Variants in CCDC102B observed in about 807,000 individuals in gnomAD.
The protein encoded by CCDC102B is coiled-coil domain-containing protein 102B.
CCDC102B carries 75 observed loss-of-function variants against 57.4 expected under a neutral mutation model. The ratio of observed to expected loss-of-function variants is 1.31; its 90% CI spans 1.08 to 1.58. The LOEUF (loss-of-function observed/expected upper bound fraction) is 1.58, where lower values mean the gene tolerates loss of function less well. Among genes scored for constraint, CCDC102B ranks in the 40% most tolerant of loss-of-function variants. The probability of loss-of-function intolerance (pLI) is 0.00; values close to 1 mark genes in which losing one functional copy is unlikely to be tolerated. For missense variants in CCDC102B, 636 were observed against 582.6 expected, an observed-to-expected ratio of 1.09 and a Z score of -0.94; for synonymous variants, 206 against 201.9, an observed-to-expected ratio of 1.02 and a Z score of -0.17.
At chr18:68,844,831 A>T (rs959808623) in intron 3 of CCDC102B, among the ~76,000 whole-genome samples, 1 of 151,932 alleles carries the variant, frequency 6.6e-6, no homozygotes, top group South Asian at 2.1e-4. Context: ...TCAGCTGGCT[A>T]GGTTTACTTT....
chr18:68,816,606 C>T (rs2036490541), intron 1 of CCDC102B, among the ~76,000 whole-genome samples: 1 of 151,992 alleles, frequency 6.6e-6, no homozygotes, highest in South Asian at 2.1e-4. Context: ...GCTGGGACTA[C>T]AGGCGCCCGC....
intron 7 of CCDC102B, among the ~76,000 whole-genome samples, chr18:69,020,176 G>C (rs2051791574): frequency 6.6e-6 from 1 of 152,070 alleles, no homozygotes; most frequent in African/African-American, 2.4e-5. Context: ...AAATCGGTTT[G>C]ACTAGCTCCT....
chr18:69,032,919 A>G (rs2052187520), intron 7 of CCDC102B, among the ~76,000 whole-genome samples: 1 of 152,148 alleles, frequency 6.6e-6, no homozygotes, highest in Non-Finnish European at 1.5e-5. Flanking sequence ...GAGCTGCAAT[A>G]AAGTGTTTAC....
intron 6 of CCDC102B, among the ~76,000 whole-genome samples, chr18:68,907,881 C>T (rs1282246350): frequency 6.6e-6 from 1 of 152,164 alleles, no homozygotes; most frequent in Non-Finnish European, 1.5e-5. Flanking sequence ...AGGGGGAAGA[C>T]TTTCAAACTT....
At chr18:68,802,941 G>T (rs1268200138) in intron 1 of CCDC102B, among the ~76,000 whole-genome samples, 1 of 152,060 alleles carries the variant, frequency 6.6e-6, no homozygotes, top group Non-Finnish European at 1.5e-5. Flanking sequence ...AGTATTTCTG[G>T]CCAAATAAAT....
intron 2 of CCDC102B, among the ~76,000 whole-genome samples, chr18:68,786,971 A>G (rs559448547): frequency 6.6e-6 from 1 of 152,314 alleles, no homozygotes; most frequent in African/African-American, 2.4e-5. Context: ...GGTTTGTCAT[A>G]GATGGCTCTT....
In CCDC102B at chr18:69,022,222, T is replaced by TATATAA. The variant is rs1395799223; in HGVS notation, c.1434+11119_1434+11120insTATAAA. ...ATATATATATATATATATATATATA[T>TATATAA]AACACACACACACGCGTGCGTGTGC... On this transcript the variant is annotated intron_variant, in intron 7 of 7. Coordinates refer to ENST00000360242, the MANE Select transcript of CCDC102B (RefSeq NM_024781.3). Among the ~76,000 whole-genome samples, 9 of 95,006 alleles carry TATATAA rather than the reference T, an allele frequency of 9.5e-5. No individual in the cohort carries two copies. In the East Asian group the frequency reaches 1.9e-3, roughly 20 times the overall value. The allele number at this position is 95,006 out of a possible 152,430, so 62.3% of individuals were successfully genotyped here.
chr18:68,752,196 G>A (rs1416041414), intron 2 of CCDC102B, among the ~76,000 whole-genome samples: 3 of 152,068 alleles, frequency 2.0e-5, no homozygotes, highest in African/African-American at 7.2e-5. Context: ...GGAAGCAGAG[G>A]TTGCAGTGAG....
chr18:68,874,176 G>A (rs956448805), intron 4 of CCDC102B, among the ~76,000 whole-genome samples: 198 of 12,664 alleles, frequency 0.016, no homozygotes, highest in African/African-American at 0.034. Flanking sequence ...GTGTATGTGT[G>A]TGTGTGTGTG....
intron 2 of CCDC102B, among the ~76,000 whole-genome samples, chr18:68,767,006 A>G (rs907011718): frequency 6.6e-6 from 1 of 152,212 alleles, no homozygotes; most frequent in Admixed American, 6.5e-5. Flanking sequence ...TTAAACTGAA[A>G]TACACACTTC....
At chr18:68,913,664 A>AAC (rs1599681430) in intron 6 of CCDC102B, among the ~76,000 whole-genome samples, 1 of 151,370 alleles carries the variant, frequency 6.6e-6, no homozygotes, top group East Asian at 1.9e-4. Flanking sequence ...CAAAAGAAAA[A>AAC]AAAAAAAGCA....
At chr18:68,911,644 C>G (rs59103835) in intron 6 of CCDC102B, among the ~76,000 whole-genome samples, 1 of 143,616 alleles carries the variant, frequency 7.0e-6, no homozygotes, top group South Asian at 2.3e-4. Flanking sequence ...CCCAGCTACT[C>G]GAGAGGCTGA....
intron 5 of CCDC102B, among the ~76,000 whole-genome samples, chr18:68,878,508 C>A (rs1167753273): frequency 6.6e-6 from 1 of 152,102 alleles, no homozygotes; most frequent in African/African-American, 2.4e-5. Context: ...AAGGTGAAAT[C>A]AACTCCTTTA....
chr18:68,790,952 A>G (rs923580040), intron 2 of CCDC102B, among the ~76,000 whole-genome samples: 2 of 152,234 alleles, frequency 1.3e-5, no homozygotes, highest in Non-Finnish European at 2.9e-5. Context: ...TTTGAATTTC[A>G]CAGAGTGTAG....
At chr18:68,780,447 C>T (rs2034969055) in intron 2 of CCDC102B, among the ~76,000 whole-genome samples, 1 of 148,400 alleles carries the variant, frequency 6.7e-6, no homozygotes, top group Non-Finnish European at 1.5e-5. Context: ...AAGGATTTCA[C>T]CTCCACATTT....
At chr18:68,765,567 T>A (rs930538139) in intron 2 of CCDC102B, among the ~76,000 whole-genome samples, 2 of 152,058 alleles carry the variant, frequency 1.3e-5, no homozygotes, top group African/African-American at 4.8e-5. Context: ...CTATAGTAAT[T>A]TTTAAATTTA....
intron 2 of CCDC102B, among the ~76,000 whole-genome samples, chr18:68,783,397 A>G (rs887139046): frequency 2.6e-5 from 4 of 152,142 alleles, no homozygotes; most frequent in African/African-American, 9.7e-5. Context: ...CTCCTCAGAG[A>G]GTGATCTACT....
At chr18:69,044,955 C>A (rs993076006) in intron 7 of CCDC102B, among the ~76,000 whole-genome samples, 13 of 152,082 alleles carry the variant, frequency 8.5e-5, no homozygotes, top group Admixed American at 2.6e-4. Context: ...TCTCATGAGG[C>A]CCCTTTTCTT....
chr18:68,926,362 A>G (rs1599702809), intron 6 of CCDC102B, among the ~76,000 whole-genome samples: 1 of 151,876 alleles, frequency 6.6e-6, no homozygotes, highest in African/African-American at 2.4e-5. Context: ...ATGTTTTTGC[A>G]GAAGCATTGA....
Sources: gnomAD v4.1 joint callset for allele counts (sites outside exome capture counted in the v4.1 genomes callset) on GRCh38, gnomAD v4.1.1 for gene constraint, MANE v1.5 for transcripts, NCBI Gene and HGNC (gene_info 2026-07-23, HGNC 2026-07-21) for gene names.